Variants in ABCB5 observed in about 807,000 individuals in gnomAD.
ABCB5 encodes the protein ATP-binding cassette sub-family B member 5.
In ABCB5, 155 loss-of-function variants were observed where a neutral mutation model predicts 144.2. The observed-to-expected ratio is 1.08, with a 90% CI of 0.94 to 1.23. ABCB5 has a LOEUF of 1.23. Among genes scored for constraint, ABCB5 ranks in the 50% most tolerant of loss-of-function variants. ABCB5 has a pLI of 0.00. For missense variants in ABCB5, 1,830 were observed against 1,520.8 expected (o/e 1.20, Z -3.38); for synonymous variants, 610 against 528.6 (o/e 1.15, Z -2.11).
chr7:20,658,568 C>T lies in ABCB5; in HGVS notation c.1599C>T (p.Ile533=), dbSNP rs149065510. Residue 533 remains isoleucine, a synonymous_variant, in exon 14 of 28, where the codon ATC becomes ATT. Coordinates refer to ENST00000404938, the MANE Select transcript of ABCB5 (RefSeq NM_001163941.2). The stretch of plus-strand genomic sequence containing the variant: ...TGAGTGGAGGGCAGAAACAGAGGAT[C>T]GCAATTGCTCGTGCCTTAGTTCGAA... ...AQMSGGQKQR[I]AIARALVRNP... 8.2e-5 allele frequency: 132 copies of T among 1,614,068 alleles called. No individual in the cohort carries two copies. In the African/African-American group the frequency reaches 1.2e-3, roughly 15 times the overall value.
At chr7:20,680,019 G>A (rs1358828364) in intron 14 of ABCB5, among the ~76,000 whole-genome samples, 2 of 152,104 alleles carry the variant, frequency 1.3e-5, no homozygotes, top group Non-Finnish European at 2.9e-5. Context: ...TGTCAATCAG[G>A]AATAGAATGG....
chr7:20,679,398 G>C (rs1194230395), intron 14 of ABCB5, among the ~76,000 whole-genome samples: 1 of 145,292 alleles, frequency 6.9e-6, no homozygotes, highest in Non-Finnish European at 1.5e-5. Flanking sequence ...TTGAACCTGG[G>C]AGGCAGCTGT....
intron 11 of ABCB5, among the ~76,000 whole-genome samples, chr7:20,648,971 C>T (rs927233617): frequency 2.0e-5 from 3 of 152,170 alleles, no homozygotes; most frequent in African/African-American, 7.2e-5. Context: ...TTTGGATTGG[C>T]TTCCTAGGGA....
intron 17 of ABCB5, 79 bp from the exon 18 acceptor site, chr7:20,699,746 T>C (rs1403075854): frequency 1.1e-6 from 1 of 907,312 alleles, no homozygotes; most frequent in Non-Finnish European, 1.7e-6. Flanking sequence ...TTAAAACTCC[T>C]GATATACAGA....
chr7:20,696,935 G>T lies in ABCB5; in HGVS notation c.2011-1472G>T, dbSNP rs150799241. Among the ~76,000 whole-genome samples, 117 of 152,216 alleles carry T rather than the reference G, an allele frequency of 7.7e-4. 3 individuals carry two copies. The East Asian group carries it at 0.015, about 20-fold the overall frequency. On this transcript the variant is annotated intron_variant, in intron 16 of 27. Coordinates refer to ENST00000404938, the MANE Select transcript of ABCB5 (RefSeq NM_001163941.2). The stretch of plus-strand genomic sequence containing the variant: ...AATGTAGATCGTTCTATAGGAGGAA[G>T]ATAGCCCTCCTAATTTCCTGGCTCT...
At chr7:20,670,911 A>T (rs917809611) in intron 14 of ABCB5, among the ~76,000 whole-genome samples, 5 of 152,334 alleles carry the variant, frequency 3.3e-5, no homozygotes, top group African/African-American at 1.2e-4. Flanking sequence ...TTCCACCTGA[A>T]ATAAAAAGAA....
intron 13 of ABCB5, chr7:20,651,830 GA>G: frequency 1.8e-6 from 1 of 551,402 alleles, no homozygotes; most frequent in South Asian, 2.4e-5. Context: ...AACACATTAT[GA>G]GATTTTTTTG....
intron 14 of ABCB5, among the ~76,000 whole-genome samples, chr7:20,680,158 G>A (rs1050262488): frequency 6.6e-6 from 1 of 152,152 alleles, no homozygotes; most frequent in Non-Finnish European, 1.5e-5. Context: ...CCCAGATACA[G>A]AAGAGTATAC....
At chr7:20,668,293 C>T (rs1178228829) in intron 14 of ABCB5, among the ~76,000 whole-genome samples, 1 of 149,124 alleles carries the variant, frequency 6.7e-6, no homozygotes, top group East Asian at 2.1e-4. Flanking sequence ...CTCTTCCCCG[C>T]CGCCATCCCA....
rs778406804 is a variant in ABCB5, at chr7:20,713,472, G to A, written c.2421+8665G>A. Among the ~76,000 whole-genome samples, 16 of 149,448 alleles carry A rather than the reference G, an allele frequency of 1.1e-4. 1 individual carries two copies. The highest frequency in any genetic ancestry group is 4.3e-4 in the South Asian group (2 of 4,644). On this transcript the variant is annotated intron_variant, in intron 20 of 27. Transcript: ENST00000404938. ...GCTGGTCTTGAACTCCTGAGTTCACGTGGTCCTCCCACCTTAGCCTCCCAA... is the reference window on the plus strand; with the variant it reads ...GCTGGTCTTGAACTCCTGAGTTCACATGGTCCTCCCACCTTAGCCTCCCAA...
At position 20,651,356 on chromosome 7, in the gene ABCB5, T is replaced by C; in HGVS notation, c.1333-64T>C. 9 of 1,539,084 alleles carry C rather than the reference T, an allele frequency of 5.8e-6. No homozygotes were observed. In the South Asian group the frequency reaches 6.9e-5, roughly 12 times the overall value. On this transcript the variant is annotated intron_variant, in intron 12 of 27. Transcript: ENST00000404938. ...TCTCAGCTTATATTTTGGTCTAGTA[T>C]GAAAAACCCTAAAATCAATACAGTA...
chr7:20,689,322 TG>T (rs1786126021), intron 16 of ABCB5, among the ~76,000 whole-genome samples: 1 of 152,106 alleles, frequency 6.6e-6, no homozygotes, highest in Admixed American at 6.5e-5. Flanking sequence ...GCAGTTGCTG[TG>T]GTACCTTGCT....
At chr7:20,746,048 G>C (rs1248067244) in intron 26 of ABCB5, among the ~76,000 whole-genome samples, 2 of 151,988 alleles carry the variant, frequency 1.3e-5, no homozygotes, top group African/African-American at 4.8e-5. Context: ...TGCGTTTGCT[G>C]TTTCTCCAGC....
intron 1 of ABCB5, among the ~76,000 whole-genome samples, chr7:20,617,867 A>T (rs765723147): frequency 1.3e-5 from 2 of 152,214 alleles, no homozygotes; most frequent in African/African-American, 4.8e-5. Context: ...TATAAGAGAC[A>T]ACAAAGAACA....
chr7:20,743,594 T>A (rs1221457228), intron 25 of ABCB5, among the ~76,000 whole-genome samples: 3 of 152,124 alleles, frequency 2.0e-5, no homozygotes, highest in African/African-American at 7.2e-5. Context: ...GGATTGTTTT[T>A]CTTACCTGGC....
Position 20,668,915 on chromosome 7 carries a change from G to A in ABCB5, c.1707+10239G>A, listed in dbSNP as rs1472672807. 1.0e-4 allele frequency among the ~76,000 whole-genome samples: 11 copies of A among 109,948 alleles called. No homozygotes were observed. In the South Asian group the frequency reaches 1.5e-3, roughly 15 times the overall value. The allele number at this position is 109,948 out of a possible 152,430, so 72.1% of individuals were successfully genotyped here. ...AGGTGTGGGGCGCCTCTGCCCGGCC[G>A]CCCCTACTAGGAAGTGAGGACCCCT... On this transcript the variant is annotated intron_variant, in intron 14 of 27. Transcript: ENST00000404938.
chr7:20,668,877 C>A (rs1357623429), intron 14 of ABCB5, among the ~76,000 whole-genome samples: 19 of 121,126 alleles, frequency 1.6e-4, no homozygotes, highest in African/African-American at 6.9e-4. Flanking sequence ...CCCAGCCGGC[C>A]GCCCCGTCCG....
intron 21 of ABCB5, among the ~76,000 whole-genome samples, chr7:20,725,134 C>G (rs1781995182): frequency 6.6e-6 from 1 of 152,324 alleles, no homozygotes; most frequent in East Asian, 1.9e-4. Context: ...CAACAAACAA[C>G]TCTAATCAAA....
At chr7:20,671,564 A>T (rs1275085144) in intron 14 of ABCB5, among the ~76,000 whole-genome samples, 1 of 152,234 alleles carries the variant, frequency 6.6e-6, no homozygotes, top group African/African-American at 2.4e-5. Flanking sequence ...TAAAGGGAGC[A>T]ATATCATATG....
Sources: gnomAD v4.1 joint callset for allele counts (sites outside exome capture counted in the v4.1 genomes callset) on GRCh38, gnomAD v4.1.1 for gene constraint, MANE v1.5 for transcripts, NCBI Gene and HGNC (gene_info 2026-07-23, HGNC 2026-07-21) for gene names.